The following CNR2 variants were observed in gnomAD, a reference collection of about 807,000 sequenced individuals.
The protein encoded by CNR2 is cannabinoid receptor 2.
For synonymous variants in CNR2, 172 were observed against 182.2 expected, an observed-to-expected ratio of 0.94 and a Z score of 0.45; for missense variants, 379 against 439.9, an observed-to-expected ratio of 0.86 and a Z score of 1.24.
At chr1:23,876,574 G>A (rs1278735562) in intron 1 of CNR2, among the ~76,000 whole-genome samples, 3 of 151,762 alleles carry the variant, frequency 2.0e-5, no homozygotes, top group Non-Finnish European at 4.4e-5. Flanking sequence ...GGTGGTTCAC[G>A]CCTGTAATCC....
chr1:23,881,419 C>T (rs536041777), intron 1 of CNR2, among the ~76,000 whole-genome samples: 2 of 143,450 alleles, frequency 1.4e-5, no homozygotes, highest in East Asian at 2.1e-4. Context: ...TCTAATAAAC[C>T]CCATCTCTAC....
Position 23,871,478 on chromosome 1 carries a change from T to C in CNR2, c.*3057A>G, listed in dbSNP as rs1639765348. 6.6e-6 allele frequency: 1 copy of C among 152,242 alleles called. No individual in the cohort carries two copies. The highest frequency in any genetic ancestry group is 1.5e-5 in the Non-Finnish European group (1 of 68,034). The allele number at this position is 152,242 out of a possible 1,614,324, so 9.4% of individuals were successfully genotyped here. A position where few individuals can be genotyped will look rare whatever the true frequency, so the allele number is the denominator to read the frequency against. On this transcript the variant is annotated 3_prime_UTR_variant, in exon 2 of 2. Coordinates refer to ENST00000374472, the MANE Select transcript of CNR2 (RefSeq NM_001841.3). ...GTGTCTGGATTAAAACAAGATTTGA[T>C]TTTCCAAAACATACGTCAGAGCTTT...
chr1:23,900,070 C>T (rs544024777), intron 1 of CNR2, among the ~76,000 whole-genome samples: 7 of 151,320 alleles, frequency 4.6e-5, no homozygotes, highest in African/African-American at 1.5e-4. Flanking sequence ...ACTGCTCCTG[C>T]GATCAGTGCT....
intron 1 of CNR2, among the ~76,000 whole-genome samples, chr1:23,892,958 G>T (rs1252196277): frequency 6.6e-6 from 1 of 152,178 alleles, no homozygotes; most frequent in Non-Finnish European, 1.5e-5. Context: ...GGAGGTTGCA[G>T]CGAGCAGAGA....
intron 1 of CNR2, among the ~76,000 whole-genome samples, chr1:23,912,713 G>A (rs1249952968): frequency 1.3e-5 from 2 of 152,310 alleles, no homozygotes; most frequent in African/African-American, 4.8e-5. Context: ...TGAAATGAAA[G>A]CCAAAGTCCT....
At chr1:23,905,503 T>C (rs1201014101) in intron 1 of CNR2, among the ~76,000 whole-genome samples, 2 of 149,968 alleles carry the variant, frequency 1.3e-5, no homozygotes, top group Non-Finnish European at 3.0e-5. Context: ...ATATATTATA[T>C]ATATTTATAT....
chr1:23,894,457 GA>G (rs1323105840), intron 1 of CNR2, among the ~76,000 whole-genome samples: 3 of 5,494 alleles, frequency 5.5e-4, no homozygotes, highest in African/African-American at 1.6e-3. Context: ...AGGAAGGAAG[GA>G]AGGAAGGAAG....
intron 1 of CNR2, among the ~76,000 whole-genome samples, chr1:23,910,577 C>G (rs1008391087): frequency 1.4e-4 from 20 of 142,940 alleles, no homozygotes; most frequent in Admixed American, 8.2e-4. Flanking sequence ...TCGCTTGAAC[C>G]CAGGAGGCAG....
intron 1 of CNR2, among the ~76,000 whole-genome samples, chr1:23,910,549 G>A (rs1441048584): frequency 1.3e-5 from 2 of 149,558 alleles, no homozygotes; most frequent in African/African-American, 4.9e-5. Context: ...AGCTACTTGG[G>A]AGGCTGAGGC....
At position 23,887,845 on chromosome 1, in the gene CNR2, G is replaced by T. The variant is rs562989393; in HGVS notation, c.-45-12183C>A. ...AAAAAAAAAATTTAAGTAGCCCCCCGAAGTTAAAGTTAAAAAAAAAAAATT... is the reference window on the plus strand; with the variant it reads ...AAAAAAAAAATTTAAGTAGCCCCCCTAAGTTAAAGTTAAAAAAAAAAAATT... On this transcript the variant is annotated intron_variant, in intron 1 of 1. Transcript: ENST00000374472. Among the ~76,000 whole-genome samples, 6 of 92,248 alleles carry T rather than the reference G, an allele frequency of 6.5e-5. No individual in the cohort carries two copies. The East Asian group carries it at 7.5e-4, about 12-fold the overall frequency. The allele number at this position is 92,248 out of a possible 152,430, so 60.5% of individuals were successfully genotyped here.
At chr1:23,895,914 A>G (rs1640274769) in intron 1 of CNR2, among the ~76,000 whole-genome samples, 1 of 151,984 alleles carries the variant, frequency 6.6e-6, no homozygotes, top group Non-Finnish European at 1.5e-5. Context: ...TTTTGTCTTT[A>G]TTTCCAGGGG....
At chr1:23,897,037 C>A (rs1157347203) in intron 1 of CNR2, among the ~76,000 whole-genome samples, 1 of 152,056 alleles carries the variant, frequency 6.6e-6, no homozygotes, top group Non-Finnish European at 1.5e-5. Flanking sequence ...AGGTGCCTGC[C>A]ACCATTTTTC....
chr1:23,901,434 A>T, intron 1 of CNR2: 2 of 1,511,108 alleles, frequency 1.3e-6, no homozygotes, highest in Non-Finnish European at 1.8e-6. Flanking sequence ...TTTCCCCTCC[A>T]TCCACTCGCC....
At chr1:23,899,716 A>G (rs1481706777) in intron 1 of CNR2, among the ~76,000 whole-genome samples, 1 of 147,144 alleles carries the variant, frequency 6.8e-6, no homozygotes, top group African/African-American at 2.5e-5. Context: ...CGAGAGGGGG[A>G]GGCAGAAGAA....
At chr1:23,909,650 G>T (rs1457192968) in intron 1 of CNR2, among the ~76,000 whole-genome samples, 1 of 152,154 alleles carries the variant, frequency 6.6e-6, no homozygotes, top group Non-Finnish European at 1.5e-5. Flanking sequence ...GGATTGGACT[G>T]CTCAGTTTGG....
intron 1 of CNR2, among the ~76,000 whole-genome samples, chr1:23,880,318 C>T (rs1329228931): frequency 2.0e-5 from 3 of 151,984 alleles, no homozygotes; most frequent in Non-Finnish European, 4.4e-5. Flanking sequence ...GCTGGGACTA[C>T]AGGCGCATAC....
rs758031503 is a variant in CNR2, at chr1:23,874,537, AG to A, written c.1080del (p.Ter361AspfsTer50). ...PDSRDLDLSDC is the reference protein window; with the variant it reads ...PDSRDLDLSDX Reference sequence around the variant, plus strand: ...GTTTAAATTGGGAAGAGGCCTCATCAGCAATCAGAGAGGTCTAGATCTCTGG... The same window carrying A: ...GTTTAAATTGGGAAGAGGCCTCATCACAATCAGAGAGGTCTAGATCTCTGG... On this transcript the variant is annotated frameshift_variant, in exon 2 of 2. Coordinates refer to ENST00000374472, the MANE Select transcript of CNR2 (RefSeq NM_001841.3). LOFTEE classifies it high-confidence loss of function. 286 of 1,609,874 alleles carry A rather than the reference AG, an allele frequency of 1.8e-4. No homozygotes were observed. The highest frequency in any genetic ancestry group is 1.9e-4 in the Non-Finnish European group (229 of 1,177,858).
intron 1 of CNR2, chr1:23,901,529 C>T: frequency 1.2e-6 from 2 of 1,605,328 alleles, no homozygotes; most frequent in Non-Finnish European, 1.7e-6. Context: ...CCCGTTGGTG[C>T]TGTCCGAGGA....
chr1:23,897,369 T>C (rs2502974), intron 1 of CNR2, among the ~76,000 whole-genome samples: 8 of 151,950 alleles, frequency 5.3e-5, no homozygotes, highest in Admixed American at 1.3e-4. Flanking sequence ...AAAAGTTACC[T>C]TGGCAATAAA....
Sources: gnomAD v4.1 joint callset for allele counts (sites outside exome capture counted in the v4.1 genomes callset) on GRCh38, gnomAD v4.1.1 for gene constraint, MANE v1.5 for transcripts, NCBI Gene and HGNC (gene_info 2026-07-23, HGNC 2026-07-21) for gene names.